B3GAT1: variants seen among roughly 807,000 people sequenced by gnomAD.
B3GAT1 encodes galactosylgalactosylxylosylprotein 3-beta-glucuronosyltransferase 1.
A neutral mutation model predicts 28.4 loss-of-function variants in B3GAT1; 11 were observed. That is an observed-to-expected ratio of 0.39 (90% confidence interval 0.24 to 0.64). The LOEUF is 0.64. B3GAT1 is among the 30% of genes least tolerant of loss of function. The pLI is 0.50. For synonymous variants in B3GAT1, 255 were observed against 223.1 expected (o/e 1.14, Z -1.27); for missense variants, 375 against 491.0 (o/e 0.76, Z 2.23).
intron 1 of B3GAT1, among the ~76,000 whole-genome samples, chr11:134,400,998 C>T (rs1944602810): frequency 6.6e-6 from 1 of 152,154 alleles, no homozygotes; most frequent in Non-Finnish European, 1.5e-5. Context: ...AAAAAATGCT[C>T]AAGATTAGTG....
At chr11:134,383,617 C>T (rs528296723) in intron 3 of B3GAT1, 63 bp downstream of exon 3, 4 of 1,450,590 alleles carry the variant, frequency 2.8e-6, no homozygotes, top group Non-Finnish European at 3.6e-6. Flanking sequence ...ACCCCCTTCT[C>T]GGGAAGCCCC....
At chr11:134,396,781 G>A (rs993572140) in intron 1 of B3GAT1, among the ~76,000 whole-genome samples, 3 of 152,186 alleles carry the variant, frequency 2.0e-5, no homozygotes, top group Admixed American at 6.5e-5. Context: ...GCTGCTTGCT[G>A]GAGGGCAGAT....
intron 3 of B3GAT1, among the ~76,000 whole-genome samples, chr11:134,383,471 C>T (rs1944184132): frequency 1.3e-5 from 2 of 152,184 alleles, no homozygotes; most frequent in Admixed American, 1.3e-4. Flanking sequence ...TTAGGGGCTC[C>T]AGAGCCACCT....
intron 4 of B3GAT1, among the ~76,000 whole-genome samples, chr11:134,382,247 A>G (rs1198219774): frequency 6.6e-6 from 1 of 152,190 alleles, no homozygotes; most frequent in Non-Finnish European, 1.5e-5. Context: ...TGCCTTCGGA[A>G]TACCTGCTGG....
chr11:134,400,441 T>C (rs960416240), intron 1 of B3GAT1, among the ~76,000 whole-genome samples: 1 of 152,114 alleles, frequency 6.6e-6, no homozygotes, highest in Non-Finnish European at 1.5e-5. Context: ...GGAAAACACC[T>C]AGCATAAGGC....
chr11:134,403,257 G>A (rs530326295), intron 1 of B3GAT1, among the ~76,000 whole-genome samples: 4 of 152,094 alleles, frequency 2.6e-5, no homozygotes, highest in South Asian at 2.1e-4. Context: ...AGGAGTACCC[G>A]GCCGATTTCT....
intron 2 of B3GAT1, chr11:134,386,044 A>G (rs1218807692): frequency 6.6e-6 from 1 of 152,268 alleles, no homozygotes; most frequent in Non-Finnish European, 1.5e-5. Flanking sequence ...CAAGATAACA[A>G]TGATTCTGAA....
At position 134,384,055 on chromosome 11, in the gene B3GAT1, C is replaced by T. The variant is rs147475636; in HGVS notation, c.246G>A (p.Thr82=). 8.4e-5 allele frequency: 135 copies of T among 1,604,736 alleles called. No homozygotes were observed. Among genetic ancestry groups the T allele is most frequent in the Non-Finnish European group, 1.1e-4 (133 of 1,178,742 alleles). Residue 82 remains threonine (T), a synonymous_variant, in exon 3 of 6, where the codon ACG becomes ACA. Transcript: ENST00000312527. ...GCGTCACCACGTGGATGGTGGGCAG[C>T]GTGTCGGACCATGGCGGGGGCCGCG... The part of the protein sequence containing the change: ...VYTRPPPWSD[T]LPTIHVVTPT...
At position 134,393,149 on chromosome 11, in the gene B3GAT1, C is replaced by T. The variant is rs762687679; in HGVS notation, c.-281-5209G>A. On this transcript the variant is annotated intron_variant, in intron 1 of 5. Transcript: ENST00000312527. The surrounding 1 kb of genome is among the most constrained non-coding windows in gnomAD (Gnocchi z 4.0). The stretch of plus-strand genomic sequence containing the variant: ...GTCCGAGGTACTCATCCCTGGAGGA[C>T]GAGAAAGGCCTTTTTACCCAGTAAG... Among the ~76,000 whole-genome samples, 6 of 152,216 alleles carry T rather than the reference C, an allele frequency of 3.9e-5. No homozygotes were observed. Among genetic ancestry groups the T allele is most frequent in the African/African-American group, 9.6e-5 (4 of 41,520 alleles).
chr11:134,394,904 T>G (rs1277751457), intron 1 of B3GAT1, among the ~76,000 whole-genome samples: 1 of 152,254 alleles, frequency 6.6e-6, no homozygotes, highest in Admixed American at 6.5e-5. Context: ...TTGTTTTTCT[T>G]TTTTTCAGAA....
intron 1 of B3GAT1, among the ~76,000 whole-genome samples, chr11:134,401,485 A>G (rs1944612436): frequency 6.6e-6 from 1 of 152,232 alleles, no homozygotes; most frequent in South Asian, 2.1e-4. Flanking sequence ...ACAGGAACAG[A>G]AAACCAAATA....
rs1248457483 is a variant in B3GAT1, at chr11:134,393,182, C to T, written c.-281-5242G>A. Reference sequence around the variant, plus strand: ...GCCTTTTTACCCAGTAAGATGGGAACAGTAGTTAAGTGGTTCATCAAAAAA... The same window carrying T: ...GCCTTTTTACCCAGTAAGATGGGAATAGTAGTTAAGTGGTTCATCAAAAAA... On this transcript the variant is annotated intron_variant, in intron 1 of 5. Transcript: ENST00000312527. This position sits in a 1 kb window ranked among gnomAD's most constrained non-coding sequence, Gnocchi z 4.0. 2.0e-5 allele frequency among the ~76,000 whole-genome samples: 3 copies of T among 152,168 alleles called. No homozygotes were observed. The highest frequency in any genetic ancestry group is 7.2e-5 in the African/African-American group (3 of 41,436).
At chr11:134,405,932 G>A (rs752481988) in intron 1 of B3GAT1, among the ~76,000 whole-genome samples, 7 of 152,236 alleles carry the variant, frequency 4.6e-5, no homozygotes, top group Non-Finnish European at 7.3e-5. Context: ...TTGGTGGGCA[G>A]GGTCCCTCCC....
intron 2 of B3GAT1, chr11:134,385,364 G>T (rs568744632): frequency 6.6e-6 from 1 of 152,320 alleles, no homozygotes; most frequent in Non-Finnish European, 1.5e-5. Flanking sequence ...TGGCACGCTA[G>T]CGTGGAGCTC....
At chr11:134,382,170 C>G (rs1328682395) in intron 4 of B3GAT1, 146 bp from the exon 5 acceptor site, 1 of 687,450 alleles carries the variant, frequency 1.5e-6, no homozygotes, top group Non-Finnish European at 2.4e-6. Flanking sequence ...AAGATTTTCT[C>G]AATTGTTTTT....
chr11:134,387,884 G>C lies in B3GAT1; in HGVS notation c.-225C>G. On this transcript the variant is annotated 5_prime_UTR_variant, in exon 2 of 6. Transcript: ENST00000312527. The stretch of plus-strand genomic sequence containing the variant: ...GTTTGGAGAGTCCGGCCCAACTGGA[G>C]TCTGAGAAGGGGTCGCTGTCCAGGG... 1 of 1,514,054 alleles carries C rather than the reference G, an allele frequency of 6.6e-7. No individual in the cohort carries two copies. The highest frequency in any genetic ancestry group is 8.8e-7 in the Non-Finnish European group (1 of 1,132,882). The allele number at this position is 1,514,054 out of a possible 1,614,324, so 93.8% of individuals were successfully genotyped here.
At chr11:134,383,556 C>G in intron 3 of B3GAT1, 124 bp downstream of exon 3, 1 of 1,303,676 alleles carries the variant, frequency 7.7e-7, no homozygotes. Flanking sequence ...CTGCCTGCCC[C>G]GCTCCCAGCC....
Position 134,383,932 on chromosome 11 carries a change from C to T in B3GAT1, c.369G>A (p.Ala123=), listed in dbSNP as rs1176548088. 3.8e-6 allele frequency: 6 copies of T among 1,596,314 alleles called. No individual in the cohort carries two copies. Among genetic ancestry groups the T allele is most frequent in the African/African-American group, 1.3e-5 (1 of 74,768 alleles). Residue 123 remains alanine, a synonymous_variant, in exon 3 of 6, where the codon GCG becomes GCA. Transcript: ENST00000312527. ...PNLHWLVVED[A]PRRTPLTARL... The stretch of plus-strand genomic sequence containing the variant: ...GCGCGGTCAGCGGCGTCCGGCGCGG[C>T]GCATCCTCCACCACCAGCCAGTGGA...
intron 1 of B3GAT1, among the ~76,000 whole-genome samples, chr11:134,401,256 G>A (rs528109613): frequency 1.1e-4 from 16 of 151,774 alleles, no homozygotes; most frequent in Admixed American, 5.2e-4. Context: ...AATATAAGTC[G>A]TTTTACCGTG....
Sources: allele counts gnomAD v4.1 joint callset (sites outside exome capture counted in the v4.1 genomes callset), GRCh38; gene constraint gnomAD v4.1.1; non-coding constraint Gnocchi (gnomAD v3.1); transcripts MANE v1.5; gene names NCBI Gene and HGNC (gene_info 2026-07-23, HGNC 2026-07-21).